MGST2: variants seen among roughly 807,000 people sequenced by gnomAD.
The protein encoded by MGST2 is glutathione peroxidase MGST2.
A neutral mutation model predicts 16.6 loss-of-function variants in MGST2; 9 were observed. The ratio of observed to expected loss-of-function variants is 0.54; its 90% CI spans 0.33 to 0.95. The LOEUF (loss-of-function observed/expected upper bound fraction) is 0.95, where lower values mean the gene tolerates loss of function less well. Among genes scored for constraint, MGST2 ranks in the 40% least tolerant of loss-of-function variants. The pLI is 0.03. For missense variants in MGST2, 159 were observed against 175.1 expected, an observed-to-expected ratio of 0.91 and a Z score of 0.52; for synonymous variants, 79 against 68.0, an observed-to-expected ratio of 1.16 and a Z score of -0.79.
At chr4:139,717,054 T>C (rs1306201376) in intron 5 of MGST2, 1 of 152,438 alleles carries the variant, frequency 6.6e-6, no homozygotes. Context: ...TATATTTATA[T>C]GTATATTTTT....
At chr4:139,670,855 C>T (rs896026809) in intron 1 of MGST2, among the ~76,000 whole-genome samples, 6 of 149,790 alleles carry the variant, frequency 4.0e-5, no homozygotes, top group African/African-American at 7.4e-5. Context: ...TGCAGTGAGC[C>T]GAGATCATGC....
At chr4:139,751,216 G>A in the MGST2 span, among the ~76,000 whole-genome samples, 2 of 152,136 alleles carry the variant, frequency 1.3e-5, no homozygotes, top group Admixed American at 6.5e-5. Context: ...AGATTTTCTA[G>A]GAGACTACTA....
chr4:139,715,111 TC>T lies in MGST2; in HGVS notation c.*48+10916del, dbSNP rs1727896072. ...CCTAAGTCGGGCCTCTAACCAGAGG[TC>T]GGTCAAGCATCCTTGCCTTTTATTA... On this transcript the variant is annotated intron_variant, in intron 5 of 5. Transcript: ENST00000616265. The surrounding 1 kb of genome is among the most constrained non-coding windows in gnomAD (Gnocchi z 4.4). Among the ~76,000 whole-genome samples the T allele has an allele frequency of 6.6e-6, 1 of 152,084 alleles. No individual in the cohort carries two copies. Among genetic ancestry groups the T allele is most frequent in the Non-Finnish European group, 1.5e-5 (1 of 68,006 alleles).
chr4:139,736,851 A>G (rs1728966601), intron 5 of MGST2, among the ~76,000 whole-genome samples: 1 of 152,230 alleles, frequency 6.6e-6, no homozygotes, highest in South Asian at 2.1e-4. Context: ...ATTAGATTGC[A>G]AAGCTGCACT....
downstream of MGST2, among the ~76,000 whole-genome samples, chr4:139,708,648 C>T (rs1727612280): frequency 6.6e-6 from 1 of 152,000 alleles, no homozygotes; most frequent in East Asian, 1.9e-4. Context: ...ATAAATTAGT[C>T]CTTAAGTGGC....
chr4:139,691,682 G>T lies in MGST2; in HGVS notation c.159-3515G>T, dbSNP rs929942776. On this transcript the variant is annotated intron_variant, in intron 2 of 4. Transcript: ENST00000265498. ...CTGGCAGTCAGATGATGATGATGATGATGATGATGATGATGATTATTATTA... is the reference window on the plus strand; with the variant it reads ...CTGGCAGTCAGATGATGATGATGATTATGATGATGATGATGATTATTATTA... 5.4e-3 allele frequency among the ~76,000 whole-genome samples: 718 copies of T among 133,098 alleles called. 6 individuals are homozygous for T. The highest frequency in any genetic ancestry group is 0.019 in the African/African-American group (647 of 33,546). 87.3% of individuals were successfully genotyped at this position (133,098 alleles called of 152,430 possible).
chr4:139,694,364 G>C (rs897582658), intron 2 of MGST2, among the ~76,000 whole-genome samples: 1 of 151,700 alleles, frequency 6.6e-6, no homozygotes, highest in African/African-American at 2.4e-5. Flanking sequence ...TGTAGACTAT[G>C]ACCTTCCACC....
chr4:139,667,482 C>T (rs1327263643), intron 1 of MGST2, among the ~76,000 whole-genome samples: 1 of 47,654 alleles, frequency 2.1e-5, no homozygotes, highest in Non-Finnish European at 4.2e-5. Context: ...TGTTAGGGGG[C>T]TGGATGGAGT....
At chr4:139,738,959 G>C (rs1729060814) in intron 5 of MGST2, among the ~76,000 whole-genome samples, 2 of 152,280 alleles carry the variant, frequency 1.3e-5, no homozygotes, top group African/African-American at 4.8e-5. Flanking sequence ...AACTTTCCAA[G>C]TGCTTCCAAG....
chr4:139,727,787 A>C (rs1728536458), intron 5 of MGST2, among the ~76,000 whole-genome samples: 1 of 152,184 alleles, frequency 6.6e-6, no homozygotes, highest in Non-Finnish European at 1.5e-5. Flanking sequence ...TAAGATCCCA[A>C]ATCCTTCTGT....
At chr4:139,707,292 A>G (rs1727557923), downstream of MGST2, among the ~76,000 whole-genome samples, 1 of 152,122 alleles carries the variant, frequency 6.6e-6, no homozygotes, top group Non-Finnish European at 1.5e-5. Context: ...ATGAGTGAGA[A>G]CATGAGGTGT....
the MGST2 span, among the ~76,000 whole-genome samples, chr4:139,751,619 T>A: frequency 6.6e-6 from 1 of 152,146 alleles, no homozygotes; most frequent in Non-Finnish European, 1.5e-5. Flanking sequence ...GCTCAACCTG[T>A]ATATATAACC....
intron 5 of MGST2, among the ~76,000 whole-genome samples, chr4:139,714,633 T>A (rs1727871981): frequency 6.6e-6 from 1 of 152,218 alleles, no homozygotes; most frequent in South Asian, 2.1e-4. Context: ...GGCCCTGTCA[T>A]CTTTAATCTA....
chr4:139,673,164 G>T (rs987146908), intron 1 of MGST2, among the ~76,000 whole-genome samples: 1 of 152,198 alleles, frequency 6.6e-6, no homozygotes, highest in Non-Finnish European at 1.5e-5. Context: ...CAGACAAGGA[G>T]ATAGTGGGGG....
At chr4:139,734,318 G>A (rs1418934766) in intron 5 of MGST2, among the ~76,000 whole-genome samples, 1 of 152,140 alleles carries the variant, frequency 6.6e-6, no homozygotes, top group Non-Finnish European at 1.5e-5. Flanking sequence ...CTGAGCTTTC[G>A]TCATGCGAGA....
rs1425891434 is a variant in MGST2 at position 139,735,458 on chromosome 4, G to A, written c.*49-4754G>A. The stretch of plus-strand genomic sequence containing the variant: ...GGGCTGGGAGTGGGGTAGGGGGGCA[G>A]TGGCGACCTCCGGGGGGGGAGGGTG... On this transcript the variant is annotated intron_variant, in intron 5 of 5. Coordinates refer to the MGST2 transcript ENST00000616265. This position sits in a 1 kb window ranked among gnomAD's most constrained non-coding sequence, Gnocchi z 5.8. 1.3e-5 allele frequency among the ~76,000 whole-genome samples: 2 copies of A among 151,310 alleles called. No individual in the cohort carries two copies. The highest frequency in any genetic ancestry group is 4.2e-4 in the South Asian group (2 of 4,770).
At chr4:139,751,508 A>C in the MGST2 span, among the ~76,000 whole-genome samples, 2 of 152,258 alleles carry the variant, frequency 1.3e-5, no homozygotes. Flanking sequence ...GACCCATCAC[A>C]TGAGGTCAGG....
rs185346729 is a variant in MGST2 at position 139,711,194 on chromosome 4, T to C, written c.*48+6998T>C. 8.6e-3 allele frequency among the ~76,000 whole-genome samples: 1,301 copies of C among 152,050 alleles called. 7 individuals are homozygous for C. Among genetic ancestry groups the C allele is most frequent in the Middle Eastern group, 0.027 (8 of 294 alleles). ...ATGACCGGCTGTTTTCTATTTTTTG[T>C]AGAGATGGGGTTTCGCCATGTTGCC... is the stretch of plus-strand genomic sequence containing the variant. On this transcript the variant is annotated intron_variant, in intron 5 of 5. Coordinates refer to the MGST2 transcript ENST00000616265.
At chr4:139,716,904 T>G (rs919431374) in intron 5 of MGST2, 1 of 152,416 alleles carries the variant, frequency 6.6e-6, no homozygotes, top group Non-Finnish European at 1.5e-5. Context: ...ACTAGAAAAA[T>G]CTGAATAAAA....
Sources: gnomAD v4.1 joint callset for allele counts (sites outside exome capture counted in the v4.1 genomes callset) on GRCh38, gnomAD v4.1.1 for gene constraint, Gnocchi (gnomAD v3.1) non-coding constraint, MANE v1.5 for transcripts, NCBI Gene and HGNC (gene_info 2026-07-23, HGNC 2026-07-21) for gene names.